The following PSMG2 variants were observed in gnomAD, a reference collection of about 807,000 sequenced individuals.
PSMG2 encodes the protein CD40 ligand-activated specific transcript 3.
PSMG2 carries 21 observed loss-of-function variants against 31.5 expected under a neutral mutation model. The observed-to-expected ratio is 0.67, with a 90% CI of 0.47 to 0.96. The LOEUF (loss-of-function observed/expected upper bound fraction) is 0.96. PSMG2 is among the 40% of genes least tolerant of loss of function. The pLI is 0.00. For synonymous variants in PSMG2, 120 were observed against 110.4 expected (o/e 1.09, Z -0.54); for missense variants, 318 against 321.2 (o/e 0.99, Z 0.08).
chr18:12,718,645 T>C lies in PSMG2; in HGVS notation c.407+10T>C. ...ATCTGCAGCTTCGTAGGTATGTTTC[T>C]GCCTCTGGAAAGTTATTTTTGGTAT... On this transcript the variant is annotated intron_variant, in intron 4 of 6. Transcript: ENST00000317615. 6.4e-7 allele frequency: 1 copy of C among 1,574,592 alleles called. No homozygotes were observed. Among genetic ancestry groups the C allele is most frequent in the Non-Finnish European group, 8.7e-7 (1 of 1,154,992 alleles).
intron 3 of PSMG2, among the ~76,000 whole-genome samples, chr18:12,716,914 C>T (rs2040381640): frequency 6.6e-6 from 1 of 151,064 alleles, no homozygotes; most frequent in African/African-American, 2.4e-5. Flanking sequence ...CTAACCCAGG[C>T]AGCCTGGCTC....
At chr18:12,663,744 A>G (rs555142982) in intron 1 of PSMG2, among the ~76,000 whole-genome samples, 10 of 152,090 alleles carry the variant, frequency 6.6e-5, no homozygotes, top group Non-Finnish European at 1.0e-4. Context: ...TCAAGCCTCT[A>G]TTATTTAATT....
intron 4 of PSMG2, among the ~76,000 whole-genome samples, chr18:12,720,300 G>C (rs1236782974): frequency 6.6e-6 from 1 of 152,176 alleles, no homozygotes; most frequent in Non-Finnish European, 1.5e-5. Flanking sequence ...GGAAATTTTT[G>C]CAATGGGCTT....
intron 3 of PSMG2, among the ~76,000 whole-genome samples, chr18:12,717,164 G>A (rs2040384943): frequency 6.6e-6 from 1 of 150,880 alleles, no homozygotes; most frequent in Non-Finnish European, 1.5e-5. Context: ...GCCTAGGCTG[G>A]GCTTTAACTC....
At chr18:12,693,873 C>G (rs1210264838) in intron 1 of PSMG2, among the ~76,000 whole-genome samples, 1 of 152,140 alleles carries the variant, frequency 6.6e-6, no homozygotes, top group African/African-American at 2.4e-5. Context: ...TAGTCTGTAA[C>G]CCAGGCTAGT....
intron 1 of PSMG2, among the ~76,000 whole-genome samples, chr18:12,672,118 C>CT (rs371021479): frequency 0.26 from 36,444 of 140,926 alleles, 4,898 homozygotes; most frequent in Non-Finnish European, 0.33. Context: ...ATGCCTGGCC[C>CT]TTTTTTTTTT....
intron 1 of PSMG2, chr18:12,686,174 T>G: frequency 9.0e-7 from 1 of 1,110,234 alleles, no homozygotes; most frequent in Non-Finnish European, 1.3e-6. Flanking sequence ...ATATGTGCAT[T>G]TTTCTAAGGC....
upstream of PSMG2, chr18:12,699,827 TAC>T: frequency 6.6e-7 from 1 of 1,507,498 alleles, no homozygotes; most frequent in Non-Finnish European, 9.1e-7. Flanking sequence ...AAAATATACA[TAC>T]TTTTTTTTAA....
intron 1 of PSMG2, chr18:12,672,538 G>T: frequency 2.1e-6 from 1 of 473,046 alleles, no homozygotes; most frequent in Non-Finnish European, 2.7e-6. Context: ...CATATATGCT[G>T]ATTTTTTTAT....
At chr18:12,686,056 T>A (rs1713802261) in intron 1 of PSMG2, 1 of 446,998 alleles carries the variant, frequency 2.2e-6, no homozygotes, top group East Asian at 3.8e-5. Context: ...CACCATTTTT[T>A]AATTTGTACT....
In PSMG2 at chr18:12,720,574, C is replaced by G; in HGVS notation, c.472C>G (p.Leu158Val). The G allele has an allele frequency of 1.9e-6, 3 of 1,613,570 alleles. No homozygotes were observed. Among genetic ancestry groups the G allele is most frequent in the Non-Finnish European group, 2.5e-6 (3 of 1,179,704 alleles). Residue 158 changes from leucine (L) to valine (V), a missense_variant, in exon 5 of 7, where the codon CTT becomes GTT. By Grantham distance (32) the Leu-to-Val change is conservative. Transcript: ENST00000317615. ...AAGTGTTCAAAATAAAATAAAGAGC[C>G]TTAACTGGGAAGAAATGGAAAAAAG... ...QKSVQNKIKSLNWEEMEKSRC... is the reference protein window; with the variant it reads ...QKSVQNKIKSVNWEEMEKSRC...
At chr18:12,725,143 A>G (rs539434237) in intron 6 of PSMG2, among the ~76,000 whole-genome samples, 1 of 152,320 alleles carries the variant, frequency 6.6e-6, no homozygotes, top group African/African-American at 2.4e-5. Flanking sequence ...GCCAAGAACA[A>G]ATTGATACAA....
chr18:12,722,791 A>G (rs1598689046), intron 5 of PSMG2, among the ~76,000 whole-genome samples: 1 of 152,374 alleles, frequency 6.6e-6, no homozygotes, highest in East Asian at 1.9e-4. Flanking sequence ...TGAAATGATT[A>G]TCCCACACTG....
upstream of PSMG2, chr18:12,701,255 T>C: frequency 1.6e-6 from 1 of 616,632 alleles, no homozygotes; most frequent in South Asian, 2.2e-5. Context: ...TTTTAAAGAA[T>C]GAATCTTTTG....
rs374887107 is a variant in PSMG2, at chr18:12,720,544, C to A, written c.442C>A (p.Gln148Lys). 1.1e-4 allele frequency: 177 copies of A among 1,610,804 alleles called. 2 individuals carry two copies. The highest frequency in any genetic ancestry group is 5.0e-4 in the Middle Eastern group (3 of 6,040). ...PFRYLLTPSM[Q>K]KSVQNKIKSL... ...CCGGTACCTACTTACACCTTCCATG[C>A]AAAAAAGTGTTCAAAATAAAATAAA... The change falls in exon 5 of 7, where the codon CAA (glutamine) becomes AAA (lysine). Residue 148 changes from glutamine to lysine, a missense_variant. Coordinates refer to ENST00000317615, the MANE Select transcript of PSMG2 (RefSeq NM_020232.5).
At chr18:12,702,405 G>C (rs758481532), upstream of PSMG2, 45 of 1,077,626 alleles carry the variant, frequency 4.2e-5, no homozygotes, top group Non-Finnish European at 6.3e-5. Flanking sequence ...AGCAGATGCC[G>C]CTGTCGGCCC....
chr18:12,720,056 A>G (rs1220248804), intron 4 of PSMG2, among the ~76,000 whole-genome samples: 1 of 146,890 alleles, frequency 6.8e-6, no homozygotes, highest in Non-Finnish European at 1.5e-5. Context: ...TTTATTTTTT[A>G]TTCTTTTGGG....
At chr18:12,691,902 G>T (rs916759317) in intron 1 of PSMG2, among the ~76,000 whole-genome samples, 1 of 151,786 alleles carries the variant, frequency 6.6e-6, no homozygotes, top group Non-Finnish European at 1.5e-5. Flanking sequence ...TGTATTTTTA[G>T]TAGAGACAGG....
intron 1 of PSMG2, among the ~76,000 whole-genome samples, chr18:12,664,903 T>C (rs1227061624): frequency 6.6e-6 from 1 of 152,050 alleles, no homozygotes; most frequent in Non-Finnish European, 1.5e-5. Flanking sequence ...TTCACCACTT[T>C]GGCCAGGCTG....
Sources: allele counts gnomAD v4.1 joint callset (sites outside exome capture counted in the v4.1 genomes callset), GRCh38; gene constraint gnomAD v4.1.1; transcripts MANE v1.5; gene names NCBI Gene and HGNC (gene_info 2026-07-23, HGNC 2026-07-21).